Variants in CRYBG1 observed in about 807,000 individuals in gnomAD.
CRYBG1 encodes the protein beta/gamma crystallin domain-containing protein 1.
CRYBG1 carries 139 observed loss-of-function variants against 189.2 expected under a neutral mutation model. That is an observed-to-expected ratio of 0.73 (90% CI 0.64 to 0.85). CRYBG1 has a LOEUF of 0.85. CRYBG1 is among the 40% of genes least tolerant of loss of function. CRYBG1 has a pLI of 0.00. For missense variants in CRYBG1, 2,611 were observed against 2,675.8 expected, an observed-to-expected ratio of 0.98 and a Z score of 0.53; for synonymous variants, 1,023 against 1,017.1, an observed-to-expected ratio of 1.01 and a Z score of -0.11.
At chr6:106,471,652 A>G (rs1772234293) in intron 2 of CRYBG1, among the ~76,000 whole-genome samples, 1 of 152,156 alleles carries the variant, frequency 6.6e-6, no homozygotes, top group African/African-American at 2.4e-5. Flanking sequence ...TGCAGCACTA[A>G]CAACAAGGTG....
In CRYBG1 at chr6:106,563,852, G is replaced by C; in HGVS notation, c.6227G>C (p.Ser2076Thr). Residue 2076 changes from serine to threonine, a missense_variant, in exon 21 of 22, where the codon AGC (serine) becomes ACC (threonine). By Grantham distance (58) the Ser-to-Thr change is moderately conservative. Coordinates refer to ENST00000633556, the MANE Select transcript of CRYBG1 (RefSeq NM_001371242.2). Reference protein sequence around the residue: ...LGLALDQNADSQFWSLKSDGR... With the variant: ...LGLALDQNADTQFWSLKSDGR... ...CTGGCCCTGGACCAGAATGCTGACAGCCAGTTCTGGAGCTTGAAGTCCGAT... is the reference window on the plus strand; with the variant it reads ...CTGGCCCTGGACCAGAATGCTGACACCCAGTTCTGGAGCTTGAAGTCCGAT... 1 of 1,613,850 alleles carries C rather than the reference G, an allele frequency of 6.2e-7. No individual in the cohort carries two copies. The highest frequency in any genetic ancestry group is 1.1e-5 in the South Asian group (1 of 91,080).
chr6:106,505,931 T>A (rs1371612651), intron 2 of CRYBG1, among the ~76,000 whole-genome samples: 1 of 149,724 alleles, frequency 6.7e-6, no homozygotes, highest in African/African-American at 2.5e-5. Context: ...CACACGTGTT[T>A]AAAAAAAAAA....
chr6:106,420,189 C>G (rs1186401147), intron 1 of CRYBG1, among the ~76,000 whole-genome samples: 1 of 152,056 alleles, frequency 6.6e-6, no homozygotes, highest in South Asian at 2.1e-4. Flanking sequence ...TGAAGACACA[C>G]CCAGGAAAAA....
At chr6:106,369,065 C>T (rs927643104) in intron 1 of CRYBG1, among the ~76,000 whole-genome samples, 1 of 152,098 alleles carries the variant, frequency 6.6e-6, no homozygotes, top group Non-Finnish European at 1.5e-5. Context: ...CATGATTTGT[C>T]ATTTAAATGT....
At chr6:106,506,806 C>A (rs1773141730) in intron 2 of CRYBG1, among the ~76,000 whole-genome samples, 1 of 151,942 alleles carries the variant, frequency 6.6e-6, no homozygotes, top group African/African-American at 2.4e-5. Flanking sequence ...TGTCAATGAC[C>A]CATAATTGTA....
chr6:106,370,676 C>A (rs1770006551), intron 1 of CRYBG1, among the ~76,000 whole-genome samples: 1 of 152,168 alleles, frequency 6.6e-6, no homozygotes, highest in South Asian at 2.1e-4. Context: ...AACTGAAGTT[C>A]ATGGAAGGTA....
At chr6:106,431,450 C>T (rs149942136) in intron 1 of CRYBG1, among the ~76,000 whole-genome samples, 16 of 151,802 alleles carry the variant, frequency 1.1e-4, no homozygotes, top group South Asian at 2.1e-4. Flanking sequence ...CAGCATCACG[C>T]GATATACCTT....
rs34075891 is a variant in CRYBG1 at position 106,440,243 on chromosome 6, C to CCTCT, written c.174-11428_174-11425dup. ...CTTATTTGAAGCACTTTCCTTTCTTCCTCTCTCTCTCTCTCTCTCTCTCTC... is the reference window on the plus strand; with the variant it reads ...CTTATTTGAAGCACTTTCCTTTCTTCCTCTCTCTCTCTCTCTCTCTCTCTCTCTC... On this transcript the variant is annotated intron_variant, in intron 1 of 21. Transcript: ENST00000633556. 3.9e-3 allele frequency among the ~76,000 whole-genome samples: 573 copies of CCTCT among 147,556 alleles called. 7 individuals are homozygous for CCTCT. The highest frequency in any genetic ancestry group is 3.4e-3 in the Non-Finnish European group (228 of 67,112).
intron 2 of CRYBG1, among the ~76,000 whole-genome samples, chr6:106,463,522 T>A: frequency 6.6e-6 from 1 of 152,376 alleles, no homozygotes; most frequent in African/African-American, 2.4e-5. Context: ...ATATAACCCA[T>A]AATTTAATGA....
chr6:106,513,568 A>G (rs773847703), intron 3 of CRYBG1, among the ~76,000 whole-genome samples: 68 of 152,244 alleles, frequency 4.5e-4, no homozygotes, highest in South Asian at 8.3e-4. Context: ...AGTTCCTAAT[A>G]CAAGTATCTT....
At chr6:106,461,989 T>G (rs564116443) in intron 2 of CRYBG1, among the ~76,000 whole-genome samples, 1 of 152,326 alleles carries the variant, frequency 6.6e-6, no homozygotes, top group African/African-American at 2.4e-5. Context: ...TTGTCCAATA[T>G]TTCTTTAGTG....
chr6:106,450,684 A>G (rs1267578676), intron 1 of CRYBG1, among the ~76,000 whole-genome samples: 2 of 152,146 alleles, frequency 1.3e-5, no homozygotes, highest in African/African-American at 2.4e-5. Flanking sequence ...TTTTTCCTCA[A>G]TCTAGTCTCC....
intron 4 of CRYBG1, among the ~76,000 whole-genome samples, chr6:106,523,843 T>A (rs1310704056): frequency 6.6e-6 from 1 of 151,980 alleles, no homozygotes; most frequent in Non-Finnish European, 1.5e-5. Flanking sequence ...GCGATTTTCA[T>A]GTCTCAGCCT....
chr6:106,422,344 A>ATTTATTTATTTATTTATTTATTTTTTT (rs57640822), intron 1 of CRYBG1, among the ~76,000 whole-genome samples: 1 of 139,928 alleles, frequency 7.1e-6, no homozygotes, highest in African/African-American at 2.7e-5. Context: ...TTATTTATTT[A>ATTTATTTATTTATTTATTTATTTTTTT]TTTTTGAGAC....
chr6:106,546,578 C>T (rs986137082), intron 13 of CRYBG1, among the ~76,000 whole-genome samples: 12 of 152,178 alleles, frequency 7.9e-5, no homozygotes, highest in African/African-American at 2.9e-4. Flanking sequence ...TTGTCTAGGC[C>T]GTTGCATGTG....
At chr6:106,372,030 C>G (rs1043562905) in intron 1 of CRYBG1, among the ~76,000 whole-genome samples, 2 of 152,188 alleles carry the variant, frequency 1.3e-5, no homozygotes, top group Non-Finnish European at 2.9e-5. Flanking sequence ...TACAGAGACG[C>G]TCCTCAGGAA....
rs549519381 is a variant in CRYBG1, at chr6:106,481,452, T to A, written c.312+29620T>A. Among the ~76,000 whole-genome samples, 3 of 152,256 alleles carry A rather than the reference T, an allele frequency of 2.0e-5. No individual in the cohort carries two copies. In the South Asian group the frequency reaches 6.2e-4, roughly 32 times the overall value. ...TGCCACCCCATGCTGGTCTTCATGGTGACTGAGGTCTCAGCCCTTCCTTTC... is the reference window on the plus strand; with the variant it reads ...TGCCACCCCATGCTGGTCTTCATGGAGACTGAGGTCTCAGCCCTTCCTTTC... On this transcript the variant is annotated intron_variant, in intron 2 of 21. Coordinates refer to ENST00000633556, the MANE Select transcript of CRYBG1 (RefSeq NM_001371242.2).
Position 106,531,639 on chromosome 6 carries a change from C to T in CRYBG1, c.4718+1324C>T, listed in dbSNP as rs111768932. On this transcript the variant is annotated intron_variant, in intron 8 of 21. Coordinates refer to ENST00000633556, the MANE Select transcript of CRYBG1 (RefSeq NM_001371242.2). ...AAGTATGAGTTAGGTACCTCCTTTA[C>T]GACAGTTTGTTCATTTATTTATTTA... Among the ~76,000 whole-genome samples the T allele has an allele frequency of 3.0e-3, 438 of 147,130 alleles. 4 individuals carry two copies. Among genetic ancestry groups the T allele is most frequent in the African/African-American group, 0.01 (415 of 40,552 alleles).
chr6:106,542,459 T>C (rs1248235594), intron 10 of CRYBG1, among the ~76,000 whole-genome samples: 1 of 151,526 alleles, frequency 6.6e-6, no homozygotes. Context: ...TTTTTCTTTT[T>C]AGCAGAGATG....
Sources: gnomAD v4.1 joint callset for allele counts (sites outside exome capture counted in the v4.1 genomes callset) on GRCh38, gnomAD v4.1.1 for gene constraint, MANE v1.5 for transcripts, NCBI Gene and HGNC (gene_info 2026-07-23, HGNC 2026-07-21) for gene names.